BMERB1: variants seen among roughly 807,000 people sequenced by gnomAD.
The protein encoded by BMERB1 is bMERB domain containing 1.
A neutral mutation model predicts 23.6 loss-of-function variants in BMERB1; 12 were observed. The ratio of observed to expected loss-of-function variants is 0.51; its 90% CI spans 0.33 to 0.82. The LOEUF (loss-of-function observed/expected upper bound fraction) is 0.82, where lower values mean the gene tolerates loss of function less well. Among genes scored for constraint, BMERB1 ranks in the 40% least tolerant of loss-of-function variants. The pLI is 0.03. For missense variants in BMERB1, 247 were observed against 255.4 expected (o/e 0.97, Z 0.22); for synonymous variants, 122 against 96.6 (o/e 1.26, Z -1.54).
intron 1 of BMERB1, among the ~76,000 whole-genome samples, chr16:15,510,450 G>A (rs890957662): frequency 6.6e-6 from 1 of 152,178 alleles, no homozygotes; most frequent in African/African-American, 2.4e-5. Context: ...GGCAGAGCAG[G>A]TGCGGCGGTC....
chr16:15,458,025 A>G (rs1253169852), intron 1 of BMERB1, among the ~76,000 whole-genome samples: 1 of 152,064 alleles, frequency 6.6e-6, no homozygotes, highest in African/African-American at 2.4e-5. Context: ...AGGGAAAACC[A>G]CCTCCATGAT....
In BMERB1 at chr16:15,488,559, C is replaced by T. The variant is rs915981871; in HGVS notation, c.107-26746C>T. 7.9e-5 allele frequency among the ~76,000 whole-genome samples: 12 copies of T among 151,676 alleles called. No homozygotes were observed. The South Asian group carries it at 1.0e-3, about 13-fold the overall frequency. The stretch of plus-strand genomic sequence containing the variant: ...GATACATAGTATTTGTGGGGCTGGG[C>T]GCGGTGGCCCACATCTGTAATCCCA... On this transcript the variant is annotated intron_variant, in intron 1 of 5. Transcript: ENST00000300006.
chr16:15,484,701 C>T (rs1243968753), intron 1 of BMERB1, among the ~76,000 whole-genome samples: 1 of 152,198 alleles, frequency 6.6e-6, no homozygotes, highest in Non-Finnish European at 1.5e-5. Context: ...CGCACCTGGC[C>T]TCTTTCCCCT....
intron 1 of BMERB1, among the ~76,000 whole-genome samples, chr16:15,512,012 CAAA>C (rs57021793): frequency 2.0e-3 from 123 of 61,114 alleles, no homozygotes; most frequent in Middle Eastern, 0.021. Context: ...GACTTGCTCT[CAAA>C]AAAAAAAAAA....
At chr16:15,526,369 A>C (rs1351509709) in intron 2 of BMERB1, among the ~76,000 whole-genome samples, 1 of 152,196 alleles carries the variant, frequency 6.6e-6, no homozygotes, top group Non-Finnish European at 1.5e-5. Flanking sequence ...AAAGTGTATA[A>C]AAGTAAAAAA....
At chr16:15,497,438 A>T (rs1293785015) in intron 1 of BMERB1, among the ~76,000 whole-genome samples, 1 of 152,214 alleles carries the variant, frequency 6.6e-6, no homozygotes, top group African/African-American at 2.4e-5. Context: ...GAAGGAACTC[A>T]GATAAAACAA....
intron 2 of BMERB1, among the ~76,000 whole-genome samples, chr16:15,547,212 A>C (rs1223707873): frequency 6.6e-6 from 1 of 151,238 alleles, no homozygotes; most frequent in Non-Finnish European, 1.5e-5. Context: ...TGATTTCACT[A>C]TGTTGGCCAG....
At chr16:15,579,987 C>T (rs533912212) in intron 3 of BMERB1, among the ~76,000 whole-genome samples, 4 of 152,266 alleles carry the variant, frequency 2.6e-5, no homozygotes, top group African/African-American at 9.6e-5. Context: ...TAAACGTGGG[C>T]CATGGTGGCT....
intron 2 of BMERB1, among the ~76,000 whole-genome samples, chr16:15,522,388 A>C (rs2051863724): frequency 1.3e-5 from 2 of 152,170 alleles, no homozygotes; most frequent in Non-Finnish European, 1.5e-5. Context: ...GGAACCTGGC[A>C]GAGATTCAAA....
At chr16:15,552,420 A>G (rs2081841010) in intron 2 of BMERB1, among the ~76,000 whole-genome samples, 1 of 152,016 alleles carries the variant, frequency 6.6e-6, no homozygotes, top group African/African-American at 2.4e-5. Context: ...GGCCTGGGCG[A>G]CAGAACGAGA....
chr16:15,515,037 G>A (rs1029290842), intron 1 of BMERB1, among the ~76,000 whole-genome samples: 5 of 152,268 alleles, frequency 3.3e-5, no homozygotes, highest in South Asian at 2.1e-4. Flanking sequence ...AGCCGAGATC[G>A]CTTCACCGCA....
chr16:15,506,883 C>T (rs1029058540), intron 1 of BMERB1, among the ~76,000 whole-genome samples: 7 of 152,102 alleles, frequency 4.6e-5, no homozygotes, highest in African/African-American at 1.7e-4. Context: ...TTCTGTGCAG[C>T]GAGTAGCAGG....
intron 3 of BMERB1, among the ~76,000 whole-genome samples, chr16:15,580,708 C>T (rs551507822): frequency 2.7e-4 from 41 of 151,680 alleles, no homozygotes; most frequent in Non-Finnish European, 4.7e-4. Context: ...CCACCACACC[C>T]GGCGAATTTT....
At chr16:15,565,318 T>A (rs777550590) in intron 2 of BMERB1, among the ~76,000 whole-genome samples, 1 of 152,204 alleles carries the variant, frequency 6.6e-6, no homozygotes, top group Non-Finnish European at 1.5e-5. Context: ...AATGAAAATA[T>A]GATTTCTGTC....
intron 1 of BMERB1, among the ~76,000 whole-genome samples, chr16:15,478,710 G>C (rs2051293269): frequency 6.6e-6 from 1 of 152,120 alleles, no homozygotes; most frequent in Non-Finnish European, 1.5e-5. Flanking sequence ...TTGCACCTTA[G>C]CACAAGAAGG....
intron 1 of BMERB1, among the ~76,000 whole-genome samples, chr16:15,479,677 A>G (rs1221871888): frequency 6.6e-6 from 1 of 152,208 alleles, no homozygotes; most frequent in Non-Finnish European, 1.5e-5. Context: ...ATTTGCAAAA[A>G]TTTAAAACAA....
intron 2 of BMERB1, among the ~76,000 whole-genome samples, chr16:15,543,695 C>T (rs2052107029): frequency 6.7e-6 from 1 of 149,386 alleles, no homozygotes; most frequent in Non-Finnish European, 1.5e-5. Flanking sequence ...GTAGTGTGTA[C>T]CCATAATCCC....
In BMERB1 at chr16:15,443,168, A is replaced by C. The variant is rs10220988; in HGVS notation, c.106+8409A>C. ...GAGGCTGAGGCAGGAGGATCACTTG[A>C]ACCGGGGAGGCAGAGGTTACAGTGA... On this transcript the variant is annotated intron_variant, in intron 1 of 5. Transcript: ENST00000300006. Among the ~76,000 whole-genome samples the C allele has an allele frequency of 3.5e-3, 537 of 152,146 alleles. 4 individuals carry two copies. Among genetic ancestry groups the C allele is most frequent in the African/African-American group, 0.012 (508 of 41,506 alleles).
chr16:15,509,512 TAC>T lies in BMERB1; in HGVS notation c.107-5791_107-5790del, dbSNP rs1354319087. On this transcript the variant is annotated intron_variant, in intron 1 of 5. Coordinates refer to ENST00000300006, the MANE Select transcript of BMERB1 (RefSeq NM_033201.3). ...AGCACAGGTAACTATTGAATTCTTG[TAC>T]AGAGGAGGAAAGTGACGCAAAGACA... 3.9e-5 allele frequency among the ~76,000 whole-genome samples: 6 copies of T among 152,278 alleles called. No individual in the cohort carries two copies. In the East Asian group the frequency reaches 9.6e-4, roughly 24 times the overall value.
Sources: gnomAD v4.1 joint callset for allele counts (sites outside exome capture counted in the v4.1 genomes callset) on GRCh38, gnomAD v4.1.1 for gene constraint, MANE v1.5 for transcripts, NCBI Gene and HGNC (gene_info 2026-07-23, HGNC 2026-07-21) for gene names.